The following ZNF469 variants were observed in gnomAD, a reference collection of about 807,000 sequenced individuals.
The protein encoded by ZNF469 is zinc finger protein 469.
A neutral mutation model predicts 1.0 loss-of-function variants in ZNF469; 1 was observed. The observed-to-expected ratio is 1.00, with a 90% CI of 0.35 to 4.73. The LOEUF (loss-of-function observed/expected upper bound fraction) is 4.73, where lower values mean the gene tolerates loss of function less well. Among genes scored for constraint, ZNF469 ranks in the 30% most tolerant of loss-of-function variants. The pLI is 0.16. For missense variants in ZNF469, 6,100 were observed against 5,356.3 expected (o/e 1.14, Z -4.33); for synonymous variants, 2,703 against 2,363.4 (o/e 1.14, Z -4.17).
the ZNF469 span, among the ~76,000 whole-genome samples, chr16:88,144,946 C>A: frequency 6.6e-6 from 1 of 151,672 alleles, no homozygotes; most frequent in Admixed American, 6.6e-5. Context: ...GCCTTCCGGG[C>A]CCATGCAATT....
the ZNF469 span, among the ~76,000 whole-genome samples, chr16:88,285,280 C>T: frequency 5.9e-5 from 9 of 152,276 alleles, no homozygotes; most frequent in Admixed American, 5.9e-4. Context: ...ATGAGGGTTC[C>T]TGCCAGGGCA....
At chr16:88,314,230 AGAT>A in the ZNF469 span, among the ~76,000 whole-genome samples, 1 of 115,956 alleles carries the variant, frequency 8.6e-6, no homozygotes, top group East Asian at 2.4e-4. Context: ...TCTGTAATTA[AGAT>A]GATGCTGGTG....
the ZNF469 span, among the ~76,000 whole-genome samples, chr16:88,286,727 A>G: frequency 2.6e-5 from 4 of 152,246 alleles, no homozygotes; most frequent in Admixed American, 2.6e-4. Flanking sequence ...TAGAAGGAAC[A>G]GAAAAGTACT....
the ZNF469 span, among the ~76,000 whole-genome samples, chr16:88,134,232 T>C: frequency 3.9e-5 from 6 of 152,380 alleles, no homozygotes; most frequent in Admixed American, 1.3e-4. Flanking sequence ...CCACTTTTTC[T>C]ACCCGGTGGT....
the ZNF469 span, among the ~76,000 whole-genome samples, chr16:88,308,620 C>A: frequency 2.6e-5 from 4 of 152,176 alleles, no homozygotes; most frequent in African/African-American, 7.2e-5. Context: ...TTCTTCACTG[C>A]TGCATTCCTG....
intron 1 of ZNF469, among the ~76,000 whole-genome samples, chr16:88,392,403 C>T (rs1904517412): frequency 6.6e-6 from 1 of 152,254 alleles, no homozygotes; most frequent in Non-Finnish European, 1.5e-5. Flanking sequence ...CTTCTCACGC[C>T]TGACAGCCTT....
chr16:88,160,096 C>A, the ZNF469 span, among the ~76,000 whole-genome samples: 5 of 152,204 alleles, frequency 3.3e-5, no homozygotes, highest in Admixed American at 3.3e-4. Flanking sequence ...CCTACCTATG[C>A]AGCTTTCATC....
the ZNF469 span, among the ~76,000 whole-genome samples, chr16:88,370,890 G>A: frequency 3.9e-5 from 6 of 152,348 alleles, no homozygotes; most frequent in African/African-American, 9.6e-5. Context: ...TGGGGGTTAC[G>A]CTCTTGCTGA....
the ZNF469 span, among the ~76,000 whole-genome samples, chr16:88,345,784 C>T: frequency 1.3e-5 from 2 of 152,178 alleles, no homozygotes; most frequent in African/African-American, 2.4e-5. Flanking sequence ...GAGGGTTTTA[C>T]GAGAGTCAGC....
the ZNF469 span, among the ~76,000 whole-genome samples, chr16:88,139,858 A>G: frequency 0.016 from 2,414 of 152,332 alleles, 69 homozygotes; most frequent in African/African-American, 0.056. Context: ...TAAGACGGAA[A>G]TTCACAGAAC....
chr16:88,394,412 C>G (rs1413725843), intron 1 of ZNF469, among the ~76,000 whole-genome samples: 1 of 152,222 alleles, frequency 6.6e-6, no homozygotes, highest in Non-Finnish European at 1.5e-5. Context: ...TTTCATTTAG[C>G]CCGGCATAAC....
chr16:88,431,690 C>CCCCG lies in ZNF469; in HGVS notation c.4223_4226dup (p.Ser1411GlyfsTer29). On this transcript the variant is annotated frameshift_variant, in exon 3 of 3. Transcript: ENST00000565624. LOFTEE classifies it low-confidence loss of function (END_TRUNC). Reference sequence around the variant, plus strand: ...CACCCCAAGCCCTCAGCCAGGGATGCCCCGCCGGCCAGCAGCTCCTGCCTT... The same window carrying CCCCG: ...CACCCCAAGCCCTCAGCCAGGGATGCCCCGCCCGCCGGCCAGCAGCTCCTGCCTT... 6.4e-7 allele frequency: 1 copy of CCCCG among 1,550,412 alleles called. No individual in the cohort carries two copies. Among genetic ancestry groups the CCCCG allele is most frequent in the East Asian group, 2.4e-5 (1 of 40,924 alleles).
At chr16:88,395,055 C>A (rs1904615196) in intron 1 of ZNF469, among the ~76,000 whole-genome samples, 1 of 152,302 alleles carries the variant, frequency 6.6e-6, no homozygotes, top group East Asian at 1.9e-4. Context: ...GCTCACGTGC[C>A]CCCCGCCGCA....
At chr16:88,296,579 C>T in the ZNF469 span, among the ~76,000 whole-genome samples, 110 of 151,766 alleles carry the variant, frequency 7.2e-4, no homozygotes, top group African/African-American at 1.4e-3. Flanking sequence ...CACACAGGTG[C>T]GCATATGCAC....
chr16:88,333,863 A>AGT, the ZNF469 span, among the ~76,000 whole-genome samples: 364 of 141,012 alleles, frequency 2.6e-3, 1 homozygote, highest in African/African-American at 3.9e-3. Flanking sequence ...GGGCAGTTGC[A>AGT]GTGTGTGTGT....
chr16:88,437,668 C>G lies in ZNF469; in HGVS notation c.10198C>G (p.Pro3400Ala), dbSNP rs1225875277. ...GGAGCGGCCGGAGCTGCAGCACACG[C>G]CGCTGTATGCCTGCGAGCTCTGCGC... The part of the protein sequence containing the change: ...LLERPELQHT[P>A]LYACELCATV... The change falls in exon 3 of 3, where the codon CCG (proline) becomes GCG (alanine). Residue 3400 changes from proline (P) to alanine (A), a missense_variant. Coordinates refer to ENST00000565624, the MANE Select transcript of ZNF469 (RefSeq NM_001367624.2). 1 of 1,548,746 alleles carries G rather than the reference C, an allele frequency of 6.5e-7. No individual in the cohort carries two copies. Among genetic ancestry groups the G allele is most frequent in the Admixed American group, 2.0e-5 (1 of 50,966 alleles).
intron 2 of ZNF469, among the ~76,000 whole-genome samples, chr16:88,425,950 C>T (rs1311382600): frequency 2.0e-5 from 3 of 152,254 alleles, no homozygotes; most frequent in Non-Finnish European, 4.4e-5. Context: ...CCCTCCTCCC[C>T]GGTGCAGGCA....
At chr16:88,136,844 C>T in the ZNF469 span, among the ~76,000 whole-genome samples, 1 of 152,208 alleles carries the variant, frequency 6.6e-6, no homozygotes, top group Admixed American at 6.5e-5. Context: ...CAGTTTGTAC[C>T]TGAGTGATGA....
the ZNF469 span, among the ~76,000 whole-genome samples, chr16:88,284,243 A>G: frequency 6.6e-6 from 1 of 152,172 alleles, no homozygotes; most frequent in Non-Finnish European, 1.5e-5. Flanking sequence ...ATTAGGTTTG[A>G]GCAATTATCT....
Sources: allele counts gnomAD v4.1 joint callset (sites outside exome capture counted in the v4.1 genomes callset), GRCh38; gene constraint gnomAD v4.1.1; transcripts MANE v1.5; gene names NCBI Gene and HGNC (gene_info 2026-07-23, HGNC 2026-07-21).